Variants in INSYN2A observed in about 807,000 individuals in gnomAD.
The protein encoded by INSYN2A is family with sequence similarity 196 member A.
INSYN2A carries 17 observed loss-of-function variants against 39.4 expected under a neutral mutation model. That is an observed-to-expected ratio of 0.43 (90% confidence interval 0.30 to 0.65). The LOEUF (loss-of-function observed/expected upper bound fraction) is 0.65. Among genes scored for constraint, INSYN2A ranks in the 30% least tolerant of loss-of-function variants. The pLI is 0.14. For missense variants in INSYN2A, 595 were observed against 631.2 expected (o/e 0.94, Z 0.61); for synonymous variants, 255 against 265.7 (o/e 0.96, Z 0.39).
chr10:127,159,088 A>AT (rs1311187665), intron 4 of INSYN2A, among the ~76,000 whole-genome samples: 1 of 152,198 alleles, frequency 6.6e-6, no homozygotes, highest in Non-Finnish European at 1.5e-5. Context: ...CTATAAGAAC[A>AT]TAGACTCTGC....
intron 4 of INSYN2A, among the ~76,000 whole-genome samples, chr10:127,162,837 G>C (rs1278166626): frequency 1.3e-5 from 2 of 152,164 alleles, no homozygotes; most frequent in African/African-American, 4.8e-5. Context: ...CTGTGCTGGG[G>C]AACAGTTGCT....
At chr10:127,146,139 T>C (rs1442343553) in intron 5 of INSYN2A, 1 of 475,206 alleles carries the variant, frequency 2.1e-6, no homozygotes, top group Non-Finnish European at 4.2e-6. Flanking sequence ...CCCATGAAAC[T>C]GACAGCGTAG....
intron 2 of INSYN2A, among the ~76,000 whole-genome samples, chr10:127,180,505 C>G (rs1268596046): frequency 6.6e-6 from 1 of 152,194 alleles, no homozygotes; most frequent in Non-Finnish European, 1.5e-5. Flanking sequence ...CTCGAGAGAG[C>G]TAGATGTCGA....
intron 2 of INSYN2A, among the ~76,000 whole-genome samples, chr10:127,183,227 A>C (rs2055908359): frequency 6.6e-6 from 1 of 152,004 alleles, no homozygotes; most frequent in East Asian, 1.9e-4. Flanking sequence ...ATTTGAGGAT[A>C]CCCTATTGGG....
intron 5 of INSYN2A, among the ~76,000 whole-genome samples, chr10:127,139,064 A>G (rs141518912): frequency 3.3e-5 from 5 of 152,178 alleles, no homozygotes; most frequent in Non-Finnish European, 5.9e-5. Flanking sequence ...CCTTGGGAGG[A>G]TTCCGCTCTG....
intron 4 of INSYN2A, 98 bp from the exon 5 acceptor site, chr10:127,154,021 C>A: frequency 1.2e-6 from 1 of 818,552 alleles, no homozygotes; most frequent in Non-Finnish European, 2.1e-6. Flanking sequence ...CAATGCCAAG[C>A]TCATCATGGT....
At chr10:127,158,320 G>C (rs180971005) in intron 4 of INSYN2A, among the ~76,000 whole-genome samples, 31 of 152,362 alleles carry the variant, frequency 2.0e-4, no homozygotes, top group Admixed American at 1.8e-3. Flanking sequence ...TTCTTCTCCA[G>C]TGACAGTAGG....
chr10:127,148,141 C>G (rs1466265900), intron 5 of INSYN2A, among the ~76,000 whole-genome samples: 1 of 152,164 alleles, frequency 6.6e-6, no homozygotes, highest in East Asian at 1.9e-4. Flanking sequence ...CAAGCTCCCC[C>G]TCTCTGATGT....
intron 2 of INSYN2A, among the ~76,000 whole-genome samples, chr10:127,190,276 C>T (rs918254710): frequency 3.3e-5 from 5 of 152,186 alleles, no homozygotes; most frequent in Admixed American, 2.6e-4. Flanking sequence ...CACTGCATGG[C>T]CAGACGTCAG....
chr10:127,146,620 G>A (rs1322977464), intron 5 of INSYN2A, among the ~76,000 whole-genome samples: 1 of 152,056 alleles, frequency 6.6e-6, no homozygotes, highest in Non-Finnish European at 1.5e-5. Flanking sequence ...TTCCTACCCT[G>A]TCACTCACCA....
chr10:127,176,207 C>T lies in INSYN2A; in HGVS notation c.189G>A (p.Gln63=). 2.5e-6 allele frequency: 4 copies of T among 1,614,162 alleles called. No homozygotes were observed. Among genetic ancestry groups the T allele is most frequent in the Non-Finnish European group, 2.5e-6 (3 of 1,180,036 alleles). The change falls in exon 4 of 6, where the codon CAG becomes CAA. Residue 63 remains glutamine (Q), a synonymous_variant. Transcript: ENST00000522781. This position sits in a 1 kb window ranked among gnomAD's most constrained non-coding sequence, Gnocchi z 4.4. ...TCTCCCCCAGCTGGCCCGAGGACAG[C>T]TGTGTGTCCCTCTGCTCATTCTGTG... is the stretch of plus-strand genomic sequence containing the variant. ...CEAQNEQRDT[Q]LSSGQLGEKR...
intron 4 of INSYN2A, among the ~76,000 whole-genome samples, chr10:127,172,015 T>C (rs984121525): frequency 3.9e-5 from 6 of 152,238 alleles, no homozygotes; most frequent in African/African-American, 1.4e-4. Flanking sequence ...TCCACTGATA[T>C]TTTAACTTGG....
intron 5 of INSYN2A, among the ~76,000 whole-genome samples, chr10:127,148,990 G>A (rs1309605341): frequency 6.6e-6 from 1 of 152,152 alleles, no homozygotes; most frequent in African/African-American, 2.4e-5. Flanking sequence ...GGTTTCAGTG[G>A]TCTAGGAGGA....
intron 5 of INSYN2A, among the ~76,000 whole-genome samples, chr10:127,147,516 T>C (rs2052004397): frequency 6.6e-6 from 1 of 152,034 alleles, no homozygotes; most frequent in Admixed American, 6.6e-5. Context: ...TACAGAGGGC[T>C]CTCTCTCGCC....
In INSYN2A at chr10:127,137,574, C is replaced by A; in HGVS notation, c.*263G>T. On this transcript the variant is annotated 3_prime_UTR_variant, in exon 6 of 6. Transcript: ENST00000522781. ...GGGGTGGGGGAAAATTTTTACTTATCATCTTTGACTACGTAAGTTTCATTT... is the reference window on the plus strand; with the variant it reads ...GGGGTGGGGGAAAATTTTTACTTATAATCTTTGACTACGTAAGTTTCATTT... 2.8e-6 allele frequency: 1 copy of A among 359,252 alleles called. No individual in the cohort carries two copies. The highest frequency in any genetic ancestry group is 5.0e-6 in the Non-Finnish European group (1 of 200,282). The allele number at this position is 359,252 out of a possible 1,614,324, so 22.3% of individuals were successfully genotyped here.
intron 2 of INSYN2A, 116 bp downstream of exon 2, chr10:127,192,489 T>G (rs2056827012): frequency 6.6e-6 from 1 of 152,238 alleles, no homozygotes. Context: ...CAGGTAGTGA[T>G]TTGTCATCTG....
chr10:127,142,622 A>G (rs2051374580), intron 5 of INSYN2A, among the ~76,000 whole-genome samples: 1 of 152,152 alleles, frequency 6.6e-6, no homozygotes, highest in Non-Finnish European at 1.5e-5. Context: ...TGAGAAGGGA[A>G]GATCCCTGGA....
chr10:127,143,000 T>A (rs1399294878), intron 5 of INSYN2A, among the ~76,000 whole-genome samples: 1 of 152,208 alleles, frequency 6.6e-6, no homozygotes, highest in Non-Finnish European at 1.5e-5. Flanking sequence ...GAGACTGTGC[T>A]AGGCTTTGTA....
At chr10:127,163,237 C>T (rs534906546) in intron 4 of INSYN2A, among the ~76,000 whole-genome samples, 1 of 152,320 alleles carries the variant, frequency 6.6e-6, no homozygotes, top group South Asian at 2.1e-4. Flanking sequence ...TTCTGCAGAT[C>T]GGGGCTTGAG....
Sources: gnomAD v4.1 joint callset for allele counts (sites outside exome capture counted in the v4.1 genomes callset) on GRCh38, gnomAD v4.1.1 for gene constraint, Gnocchi (gnomAD v3.1) non-coding constraint, MANE v1.5 for transcripts, NCBI Gene and HGNC (gene_info 2026-07-23, HGNC 2026-07-21) for gene names.